The following LOXL3 variants were observed in gnomAD, a reference collection of about 807,000 sequenced individuals.
LOXL3 encodes lysyl oxidase like 3.
A neutral mutation model predicts 91.8 loss-of-function variants in LOXL3; 60 were observed. The observed-to-expected ratio is 0.65, with a 90% CI of 0.53 to 0.81. The LOEUF is 0.81. LOXL3 is among the 30% of genes least tolerant of loss of function. LOXL3 has a pLI of 0.00. For missense variants in LOXL3, 874 were observed against 1,000.4 expected, an observed-to-expected ratio of 0.87 and a Z score of 1.70; for synonymous variants, 355 against 387.6, an observed-to-expected ratio of 0.92 and a Z score of 0.99.
intron 4 of LOXL3, among the ~76,000 whole-genome samples, chr2:74,537,671 A>G (rs1468954587): frequency 6.6e-6 from 1 of 152,246 alleles, no homozygotes; most frequent in Non-Finnish European, 1.5e-5. Context: ...AAGGCAGTCC[A>G]TGCTTCTGCA....
At chr2:74,550,987 C>A (rs1457985578) in intron 2 of LOXL3, among the ~76,000 whole-genome samples, 3 of 150,400 alleles carry the variant, frequency 2.0e-5, no homozygotes, top group South Asian at 2.1e-4. Context: ...GGCTGAAATG[C>A]AGTGGCATGA....
intron 4 of LOXL3, among the ~76,000 whole-genome samples, chr2:74,542,822 A>G (rs914705825): frequency 3.9e-5 from 6 of 152,124 alleles, no homozygotes; most frequent in African/African-American, 1.4e-4. Context: ...ACGGAGTTTC[A>G]TCATGTTGGC....
chr2:74,534,630 C>T lies in LOXL3; in HGVS notation c.1724G>A (p.Arg575Gln), dbSNP rs762623422. 1.2e-5 allele frequency: 19 copies of T among 1,614,068 alleles called. 1 individual carries two copies. Among genetic ancestry groups the T allele is most frequent in the South Asian group, 3.3e-5 (3 of 91,082 alleles). The part of the protein sequence containing the change: ...ARSANWPYGH[R>Q]RLLRFSSQIH... ...CTGGGAGGAGAATCGGAGCAGACGC[C>T]GGTGACCATAGGGCCAGTTGGCTGA... Residue 575 changes from arginine to glutamine, a missense_variant, in exon 10 of 14, where the codon CGG becomes CAG. Transcript: ENST00000264094.
chr2:74,534,946 T>C (rs1675909963), intron 9 of LOXL3, among the ~76,000 whole-genome samples, 172 bp from the exon 10 acceptor site: 1 of 152,224 alleles, frequency 6.6e-6, no homozygotes, highest in Non-Finnish European at 1.5e-5. Flanking sequence ...CGGCGTGATC[T>C]TGGCTCACTG....
chr2:74,540,028 T>G (rs1676233903), intron 4 of LOXL3, among the ~76,000 whole-genome samples: 1 of 152,162 alleles, frequency 6.6e-6, no homozygotes, highest in Non-Finnish European at 1.5e-5. Flanking sequence ...TTTGTATTTT[T>G]AGTAGAGATG....
intron 4 of LOXL3, among the ~76,000 whole-genome samples, chr2:74,548,632 A>G (rs1322632117): frequency 1.3e-5 from 2 of 152,174 alleles, no homozygotes; most frequent in African/African-American, 2.4e-5. Flanking sequence ...ATTTCCAAAT[A>G]AATGCCTGGC....
At chr2:74,548,435 G>A (rs186263067) in intron 4 of LOXL3, among the ~76,000 whole-genome samples, 44 of 152,254 alleles carry the variant, frequency 2.9e-4, no homozygotes, top group Non-Finnish European at 5.3e-4. Flanking sequence ...AGTGTAATCC[G>A]AGCACGCTTC....
chr2:74,555,683 A>G, upstream of LOXL3: 2 of 1,613,652 alleles, frequency 1.2e-6, no homozygotes, highest in Non-Finnish European at 1.7e-6. This position sits in a 1 kb window ranked among gnomAD's most constrained non-coding sequence, Gnocchi z 6.1. Flanking sequence ...ACGCCTCAGA[A>G]GCCCGGGCAG....
chr2:74,555,306 G>T, upstream of LOXL3: 1 of 1,614,106 alleles, frequency 6.2e-7, no homozygotes, highest in Non-Finnish European at 8.5e-7. The surrounding 1 kb of genome is among the most constrained non-coding windows in gnomAD (Gnocchi z 6.1). Context: ...CTGAGTGTGT[G>T]AGTGTGGCCC....
At chr2:74,541,373 C>T (rs993547329) in intron 4 of LOXL3, among the ~76,000 whole-genome samples, 22 of 152,248 alleles carry the variant, frequency 1.4e-4, no homozygotes, top group South Asian at 1.2e-3. Context: ...TTTAAATATA[C>T]GTATATATTT....
At chr2:74,554,938 C>A, upstream of LOXL3, 1 of 1,512,004 alleles carries the variant, frequency 6.6e-7, no homozygotes, top group South Asian at 1.2e-5. The surrounding 1 kb of genome is among the most constrained non-coding windows in gnomAD (Gnocchi z 4.9). Context: ...TGTGACTTTC[C>A]CGTGAAGTTG....
chr2:74,539,259 A>C (rs1034825024), intron 4 of LOXL3, among the ~76,000 whole-genome samples: 3 of 152,214 alleles, frequency 2.0e-5, no homozygotes, highest in Non-Finnish European at 4.4e-5. Flanking sequence ...GTTTCTGGGA[A>C]AGACCCTTTG....
chr2:74,534,870 T>C, intron 9 of LOXL3, 96 bp from the exon 10 acceptor site: 1 of 1,360,688 alleles, frequency 7.3e-7, no homozygotes, highest in East Asian at 2.3e-5. Context: ...TAGTTTTTTG[T>C]TTTTGTTTTT....
At chr2:74,548,560 AAC>A (rs1453529625) in intron 4 of LOXL3, among the ~76,000 whole-genome samples, 1 of 152,186 alleles carries the variant, frequency 6.6e-6, no homozygotes, top group Non-Finnish European at 1.5e-5. Flanking sequence ...TGATCTAGGG[AAC>A]CACTGAAGAA....
intron 1 of LOXL3, among the ~76,000 whole-genome samples, chr2:74,553,661 G>C (rs112964109): frequency 1.3e-5 from 2 of 152,154 alleles, no homozygotes; most frequent in Admixed American, 6.5e-5. Flanking sequence ...CCTCCCTTAG[G>C]GCGCTCCTGG....
intron 4 of LOXL3, among the ~76,000 whole-genome samples, chr2:74,545,016 A>G (rs1248700613): frequency 6.6e-6 from 1 of 152,148 alleles, no homozygotes; most frequent in Non-Finnish European, 1.5e-5. Context: ...ATGTCCAACA[A>G]ATATTCCTGA....
chr2:74,554,631 A>AC (rs932056110), upstream of LOXL3: 62 of 867,734 alleles, frequency 7.1e-5, no homozygotes, highest in Middle Eastern at 7.0e-4. The surrounding 1 kb of genome is among the most constrained non-coding windows in gnomAD (Gnocchi z 4.9). Context: ...CCCCACCGCG[A>AC]CCCCCCCAGC....
rs1408833328 is a variant in LOXL3 at position 74,532,466 on chromosome 2, A to G, written c.*1140T>C. 1.6e-5 allele frequency: 11 copies of G among 696,508 alleles called. No individual in the cohort carries two copies. The highest frequency in any genetic ancestry group is 1.4e-4 in the South Asian group (9 of 66,586). The allele number at this position is 696,508 out of a possible 1,614,324, so 43.1% of individuals were successfully genotyped here. A position where few individuals can be genotyped will look rare whatever the true frequency, so the allele number is the denominator to read the frequency against. On this transcript the variant is annotated 3_prime_UTR_variant, in exon 14 of 14. Transcript: ENST00000264094. ...TATGTACATGTTGCACTTTATTGCT[A>G]GAAGACAGAAAGTGAGTTGCCATTG...
chr2:74,544,558 T>C (rs1676499290), intron 4 of LOXL3, among the ~76,000 whole-genome samples: 1 of 152,228 alleles, frequency 6.6e-6, no homozygotes, highest in South Asian at 2.1e-4. Context: ...CTGAAGCTCT[T>C]AGAGCCTCAA....
Sources: allele counts gnomAD v4.1 joint callset (sites outside exome capture counted in the v4.1 genomes callset), GRCh38; gene constraint gnomAD v4.1.1; non-coding constraint Gnocchi (gnomAD v3.1); transcripts MANE v1.5; gene names NCBI Gene and HGNC (gene_info 2026-07-23, HGNC 2026-07-21).